Variants in UBE3D observed in about 807,000 individuals in gnomAD.
UBE3D encodes the protein E3 ubiquitin-protein ligase E3D.
Under a neutral mutation model 49.6 loss-of-function variants are expected in UBE3D, and 48 were observed. The ratio of observed to expected loss-of-function variants is 0.97; its 90% confidence interval spans 0.77 to 1.23. The LOEUF (loss-of-function observed/expected upper bound fraction) is 1.23, where lower values mean the gene tolerates loss of function less well. UBE3D is among the 50% of genes most tolerant of loss of function. The pLI is 0.00. For synonymous variants in UBE3D, 189 were observed against 174.2 expected, an observed-to-expected ratio of 1.08 and a Z score of -0.67; for missense variants, 452 against 468.4, an observed-to-expected ratio of 0.96 and a Z score of 0.32.
intron 5 of UBE3D, chr6:83,035,899 T>G (rs1010976846): frequency 2.6e-5 from 4 of 152,204 alleles, no homozygotes; most frequent in Admixed American, 2.0e-4. Flanking sequence ...CAACAAATAC[T>G]TACTGGGTAC....
intron 8 of UBE3D, among the ~76,000 whole-genome samples, chr6:83,000,754 T>C (rs1175365913): frequency 6.6e-6 from 1 of 152,180 alleles, no homozygotes; most frequent in Admixed American, 6.6e-5. Flanking sequence ...TTCCCATCCC[T>C]TGTACTCACT....
intron 8 of UBE3D, among the ~76,000 whole-genome samples, chr6:82,972,512 C>T (rs1200408994): frequency 6.6e-6 from 1 of 152,130 alleles, no homozygotes; most frequent in African/African-American, 2.4e-5. Context: ...AAGTTTAAGC[C>T]TTTAGACCTT....
chr6:82,951,138 T>C (rs1775767010), intron 9 of UBE3D, among the ~76,000 whole-genome samples: 1 of 152,218 alleles, frequency 6.6e-6, no homozygotes, highest in Non-Finnish European at 1.5e-5. Flanking sequence ...GCATAAATGC[T>C]TGAGGTGACA....
intron 5 of UBE3D, among the ~76,000 whole-genome samples, chr6:83,028,035 T>C (rs1357622660): frequency 1.3e-5 from 2 of 152,236 alleles, no homozygotes; most frequent in Non-Finnish European, 2.9e-5. Flanking sequence ...GTATCTAATC[T>C]GGTGTTAAAC....
rs534791837 is a variant in UBE3D, at chr6:82,957,132, A to AAAAC, written c.1149+176_1149+179dup. 2.7e-3 allele frequency among the ~76,000 whole-genome samples: 407 copies of AAAAC among 152,244 alleles called. 2 individuals carry two copies. The highest frequency in any genetic ancestry group is 8.0e-3 in the African/African-American group (333 of 41,534). On this transcript the variant is annotated intron_variant, in intron 9 of 9. Coordinates refer to ENST00000369747, the MANE Select transcript of UBE3D (RefSeq NM_198920.3). Reference sequence around the variant, plus strand: ...CAACAGAGAGAGTCTCTGCCTCCAAAAAACAAACAAACAAACAAACAAACA... The same window carrying AAAAC: ...CAACAGAGAGAGTCTCTGCCTCCAAAAAACAAACAAACAAACAAACAAACAAACA...
intron 9 of UBE3D, among the ~76,000 whole-genome samples, chr6:82,906,813 T>C (rs1772136224): frequency 6.6e-6 from 1 of 152,210 alleles, no homozygotes; most frequent in African/African-American, 2.4e-5. Context: ...TCTAAACTAC[T>C]CAGAGATGAA....
At chr6:82,964,827 T>C (rs1336026358) in intron 8 of UBE3D, among the ~76,000 whole-genome samples, 1 of 152,222 alleles carries the variant, frequency 6.6e-6, no homozygotes, top group East Asian at 1.9e-4. Context: ...GACTGCATTA[T>C]ACTTAGAATA....
intron 1 of UBE3D, among the ~76,000 whole-genome samples, chr6:83,059,790 G>A (rs537442341): frequency 6.6e-5 from 10 of 152,202 alleles, no homozygotes; most frequent in Admixed American, 5.2e-4. Context: ...TGCAAGGGTG[G>A]TGACACAGTG....
intron 9 of UBE3D, among the ~76,000 whole-genome samples, chr6:82,941,607 G>T (rs565322785): frequency 6.6e-5 from 10 of 151,990 alleles, no homozygotes; most frequent in Non-Finnish European, 1.2e-4. Flanking sequence ...TTGGCTCTGT[G>T]TCCCCACCCA....
chr6:83,044,370 A>G, intron 4 of UBE3D, 58 bp downstream of exon 4: 1 of 1,523,000 alleles, frequency 6.6e-7, no homozygotes, highest in Non-Finnish European at 9.0e-7. Context: ...AAAAGATTGA[A>G]GAAGTCAGTA....
At chr6:83,063,425 AAAAAAAAAAAAAG>A (rs1784301453) in intron 1 of UBE3D, among the ~76,000 whole-genome samples, 4 of 150,742 alleles carry the variant, frequency 2.7e-5, no homozygotes, top group Admixed American at 6.6e-5. Flanking sequence ...AAAAAAAAAA[AAAAAAAAAAAAAG>A]AAAAGAAAAT....
intron 9 of UBE3D, among the ~76,000 whole-genome samples, chr6:82,916,900 A>G (rs2127731319): frequency 6.6e-6 from 1 of 152,250 alleles, no homozygotes; most frequent in East Asian, 1.9e-4. Context: ...CAATTAATCT[A>G]CCCAGCTTCC....
rs1714542710 is a variant in UBE3D, at chr6:83,019,155, AG to A, written c.847-20del. 3.7e-6 allele frequency: 6 copies of A among 1,601,772 alleles called. No homozygotes were observed. Among genetic ancestry groups the A allele is most frequent in the Non-Finnish European group, 5.1e-6 (6 of 1,174,906 alleles). On this transcript the variant is annotated intron_variant, in intron 7 of 9. Coordinates refer to ENST00000369747, the MANE Select transcript of UBE3D (RefSeq NM_198920.3). ...GCCATAGCTAAAGATGTGAAGAGAAAGTCCAAGTATAAGAATATTGTCACCT... is the reference window on the plus strand; with the variant it reads ...GCCATAGCTAAAGATGTGAAGAGAAATCCAAGTATAAGAATATTGTCACCT...
chr6:82,963,594 T>C (rs1242763450), intron 8 of UBE3D, among the ~76,000 whole-genome samples: 1 of 152,184 alleles, frequency 6.6e-6, no homozygotes, highest in African/African-American at 2.4e-5. Flanking sequence ...GCAGGTAGGC[T>C]GGGAGGCTAA....
intron 9 of UBE3D, chr6:82,925,254 A>C (rs1773661653): frequency 6.6e-6 from 1 of 152,200 alleles, no homozygotes; most frequent in African/African-American, 2.4e-5. Context: ...CCTTCCTTTT[A>C]ATTTGAACAT....
intron 5 of UBE3D, among the ~76,000 whole-genome samples, chr6:83,025,192 G>A (rs1042190308): frequency 1.3e-5 from 2 of 152,146 alleles, no homozygotes; most frequent in Non-Finnish European, 2.9e-5. Context: ...TACCTGAAAA[G>A]GGGTTTTTAA....
At chr6:82,963,833 T>C (rs1234802389) in intron 8 of UBE3D, among the ~76,000 whole-genome samples, 1 of 152,116 alleles carries the variant, frequency 6.6e-6, no homozygotes, top group Non-Finnish European at 1.5e-5. Context: ...TAAATATCAA[T>C]ACAAATGTCT....
At position 82,964,866 on chromosome 6, in the gene UBE3D, G is replaced by T. The variant is rs563749579; in HGVS notation, c.1011-7416C>A. Among the ~76,000 whole-genome samples the T allele has an allele frequency of 3.3e-5, 5 of 152,170 alleles. No individual in the cohort carries two copies. The East Asian group carries it at 9.7e-4, about 29-fold the overall frequency. ...CAAAAGCATTAATTAAATAAAAATAGACCCTGAAAAAATGCACAAACTACT... is the reference window on the plus strand; with the variant it reads ...CAAAAGCATTAATTAAATAAAAATATACCCTGAAAAAATGCACAAACTACT... On this transcript the variant is annotated intron_variant, in intron 8 of 9. Coordinates refer to ENST00000369747, the MANE Select transcript of UBE3D (RefSeq NM_198920.3).
chr6:82,961,560 C>T (rs1274419997), intron 8 of UBE3D, among the ~76,000 whole-genome samples: 2 of 152,190 alleles, frequency 1.3e-5, no homozygotes, highest in African/African-American at 4.8e-5. Flanking sequence ...CTGTGCTATT[C>T]GCACCACACC....
Sources: allele counts gnomAD v4.1 joint callset (sites outside exome capture counted in the v4.1 genomes callset), GRCh38; gene constraint gnomAD v4.1.1; transcripts MANE v1.5; gene names NCBI Gene and HGNC (gene_info 2026-07-23, HGNC 2026-07-21).